The following GSK3B variants were observed in gnomAD, a reference collection of about 807,000 sequenced individuals.
The protein encoded by GSK3B is glycogen synthase kinase-3 beta.
Under a neutral mutation model 56.4 loss-of-function variants are expected in GSK3B, and 15 were observed. That is an observed-to-expected ratio of 0.27 (90% confidence interval 0.18 to 0.41). The LOEUF is 0.41. GSK3B is among the 10% of genes least tolerant of loss of function. GSK3B has a pLI of 1.00. For missense variants in GSK3B, 300 were observed against 513.4 expected (o/e 0.58, Z 4.02); for synonymous variants, 181 against 188.9 (o/e 0.96, Z 0.34).
At position 119,868,163 on chromosome 3, in the gene GSK3B, G is replaced by T. The variant is rs78012739; in HGVS notation, c.910-4558C>A. Among the ~76,000 whole-genome samples, 966 of 151,806 alleles carry T rather than the reference G, an allele frequency of 6.4e-3. 12 individuals carry two copies. The highest frequency in any genetic ancestry group is 0.02 in the African/African-American group (827 of 41,402). ...AAGGAAAAAAGAAAGAAAAGAGAAA[G>T]GAAATACTGAAAAGAACCAAAACAC... On this transcript the variant is annotated intron_variant, in intron 8 of 10. Transcript: ENST00000264235.
chr3:120,065,298 G>C (rs1576305650), intron 1 of GSK3B, among the ~76,000 whole-genome samples: 1 of 151,972 alleles, frequency 6.6e-6, no homozygotes, highest in African/African-American at 2.4e-5. Flanking sequence ...AAAAGACAAA[G>C]AACTTACATA....
chr3:120,092,264 A>C (rs185222128), intron 1 of GSK3B, among the ~76,000 whole-genome samples: 1 of 152,320 alleles, frequency 6.6e-6, no homozygotes, highest in Non-Finnish European at 1.5e-5. Flanking sequence ...ACCCAGGACA[A>C]GAGTAGTCTA....
intron 1 of GSK3B, among the ~76,000 whole-genome samples, chr3:120,060,687 C>G (rs934246665): frequency 2.0e-5 from 3 of 152,112 alleles, no homozygotes; most frequent in African/African-American, 7.2e-5. Context: ...GATCACGCCA[C>G]TTCACTCCAG....
intron 1 of GSK3B, among the ~76,000 whole-genome samples, chr3:120,091,282 C>T (rs1171444916): frequency 6.6e-6 from 1 of 152,160 alleles, no homozygotes; most frequent in Non-Finnish European, 1.5e-5. Flanking sequence ...CTAACAAATG[C>T]TTAAAGACTC....
At chr3:119,931,207 C>T (rs1244922739) in intron 3 of GSK3B, among the ~76,000 whole-genome samples, 2 of 152,190 alleles carry the variant, frequency 1.3e-5, no homozygotes, top group African/African-American at 4.8e-5. Context: ...CAGGATTCAG[C>T]ATTTCTAGCA....
intron 2 of GSK3B, among the ~76,000 whole-genome samples, chr3:119,963,590 C>T (rs1437279615): frequency 7.3e-6 from 1 of 137,388 alleles, no homozygotes; most frequent in African/African-American, 2.9e-5. Flanking sequence ...GGCACTCCAG[C>T]CTAGGCAACA....
intron 9 of GSK3B, among the ~76,000 whole-genome samples, chr3:119,861,714 G>A (rs1261699212): frequency 6.6e-6 from 1 of 152,136 alleles, no homozygotes; most frequent in Non-Finnish European, 1.5e-5. Context: ...TGCTAAGACA[G>A]AGCATTTGAA....
chr3:120,093,986 C>T lies in GSK3B; in HGVS notation c.-552G>A. ...CAAGCCGCGGGATCCGGCGGGCTGA[C>T]GGCAGGGGCCCGGCGAACTAGAGGG... On this transcript the variant is annotated 5_prime_UTR_variant, in exon 1 of 11. Coordinates refer to ENST00000264235, the MANE Select transcript of GSK3B (RefSeq NM_001146156.2). The T allele has an allele frequency of 4.7e-6, 1 of 213,004 alleles. No individual in the cohort carries two copies. 13.2% of individuals were successfully genotyped at this position (213,004 alleles called of 1,614,324 possible). A position where few individuals can be genotyped will look rare whatever the true frequency, so the allele number is the denominator to read the frequency against.
At chr3:119,950,058 GA>G (rs923354056) in intron 2 of GSK3B, among the ~76,000 whole-genome samples, 5 of 151,402 alleles carry the variant, frequency 3.3e-5, no homozygotes, top group Admixed American at 2.0e-4. Flanking sequence ...AGTTCATACA[GA>G]AAAAAAATTC....
intron 2 of GSK3B, among the ~76,000 whole-genome samples, chr3:119,959,055 T>C (rs1333954991): frequency 6.6e-6 from 1 of 152,204 alleles, no homozygotes; most frequent in Non-Finnish European, 1.5e-5. Flanking sequence ...ACTCCCTCTC[T>C]CCTTGAAATG....
chr3:120,059,136 C>A (rs2058216927), intron 1 of GSK3B, among the ~76,000 whole-genome samples: 1 of 151,912 alleles, frequency 6.6e-6, no homozygotes, highest in African/African-American at 2.4e-5. Context: ...AAATTATGTT[C>A]TGATTAAACA....
At chr3:120,083,467 G>T (rs141688529) in intron 1 of GSK3B, among the ~76,000 whole-genome samples, 1 of 151,984 alleles carries the variant, frequency 6.6e-6, no homozygotes, top group Non-Finnish European at 1.5e-5. Flanking sequence ...TGGTACATTT[G>T]GGGGGAAGAA....
At chr3:119,955,569 G>A (rs1342246352) in intron 2 of GSK3B, among the ~76,000 whole-genome samples, 1 of 152,104 alleles carries the variant, frequency 6.6e-6, no homozygotes, top group Admixed American at 6.5e-5. Flanking sequence ...TCTGGAATGG[G>A]GTCAGGTGGA....
chr3:120,048,738 A>G (rs1480657095), intron 1 of GSK3B, among the ~76,000 whole-genome samples: 1 of 152,200 alleles, frequency 6.6e-6, no homozygotes, highest in Non-Finnish European at 1.5e-5. Context: ...CCAGTTAAGA[A>G]AAGGTATGGA....
chr3:119,954,102 G>A (rs772017473), intron 2 of GSK3B, among the ~76,000 whole-genome samples: 1 of 151,998 alleles, frequency 6.6e-6, no homozygotes, highest in Non-Finnish European at 1.5e-5. Flanking sequence ...CTCAGAGCAG[G>A]TTACTTTGTC....
Position 119,959,413 on chromosome 3 carries a change from C to T in GSK3B, c.283-12062G>A, listed in dbSNP as rs186092466. On this transcript the variant is annotated intron_variant, in intron 2 of 10. Coordinates refer to ENST00000264235, the MANE Select transcript of GSK3B (RefSeq NM_001146156.2). The stretch of plus-strand genomic sequence containing the variant: ...TTTCATCTCCTTTAAACATGCTCTA[C>T]CCATAGCTTTCCCCATGTCAGCTGT... Among the ~76,000 whole-genome samples, 649 of 152,066 alleles carry T rather than the reference C, an allele frequency of 4.3e-3. 8 individuals carry two copies. Among genetic ancestry groups the T allele is most frequent in the Middle Eastern group, 0.02 (6 of 294 alleles).
At chr3:120,063,614 G>C (rs1349712209) in intron 1 of GSK3B, among the ~76,000 whole-genome samples, 2 of 151,716 alleles carry the variant, frequency 1.3e-5, no homozygotes, top group Non-Finnish European at 2.9e-5. Context: ...TGTAATACCA[G>C]CTACTTGGGA....
In GSK3B at chr3:119,824,228, TTA is replaced by T; in HGVS notation, c.*2558_*2559del. On this transcript the variant is annotated 3_prime_UTR_variant, in exon 11 of 11. Coordinates refer to ENST00000264235, the MANE Select transcript of GSK3B (RefSeq NM_001146156.2). ...GAATTTGGTGAGGAGCTTTTTATTATTATTATATACAAAAAGATATTCAGAGA... is the reference window on the plus strand; with the variant it reads ...GAATTTGGTGAGGAGCTTTTTATTATTTATATACAAAAAGATATTCAGAGA... 1 of 214,812 alleles carries T rather than the reference TTA, an allele frequency of 4.7e-6. No individual in the cohort carries two copies. Among genetic ancestry groups the T allele is most frequent in the Non-Finnish European group, 9.4e-6 (1 of 106,240 alleles). The allele number at this position is 214,812 out of a possible 1,614,324, so 13.3% of individuals were successfully genotyped here.
intron 7 of GSK3B, among the ~76,000 whole-genome samples, chr3:119,890,182 A>T (rs1361720660): frequency 6.6e-6 from 1 of 152,088 alleles, no homozygotes; most frequent in African/African-American, 2.4e-5. Context: ...ACACCTGTAA[A>T]CAAACATTCA....
Sources: allele counts gnomAD v4.1 joint callset (sites outside exome capture counted in the v4.1 genomes callset), GRCh38; gene constraint gnomAD v4.1.1; transcripts MANE v1.5; gene names NCBI Gene and HGNC (gene_info 2026-07-23, HGNC 2026-07-21).